Variants in ARL2 observed in about 807,000 individuals in gnomAD.
The protein encoded by ARL2 is ARF like GTPase 2.
ARL2 carries 11 observed loss-of-function variants against 22.0 expected under a neutral mutation model. The observed-to-expected ratio is 0.50, with a 90% CI of 0.31 to 0.83. The LOEUF is 0.83. Ranked by LOEUF, ARL2 falls within the 40% of genes least tolerant of loss-of-function variation. ARL2 has a pLI of 0.04. For synonymous variants in ARL2, 111 were observed against 100.8 expected (o/e 1.10, Z -0.61); for missense variants, 216 against 243.2 (o/e 0.89, Z 0.74).
Position 65,018,556 on chromosome 11 carries a change from C to A in ARL2, c.177-15C>A. 1 of 1,604,342 alleles carries A rather than the reference C, an allele frequency of 6.2e-7. No homozygotes were observed. Among genetic ancestry groups the A allele is most frequent in the East Asian group, 2.2e-5 (1 of 44,514 alleles). ...GGGGCCCAGCTGACCCTCCTGTCAC[C>A]CGCTCCTTGCCCAGATTCAAGCTGA... On this transcript the variant is annotated splice_polypyrimidine_tract_variant and intron_variant, in intron 2 of 4. Coordinates refer to ENST00000246747, the MANE Select transcript of ARL2 (RefSeq NM_001667.4). The surrounding 1 kb of genome is among the most constrained non-coding windows in gnomAD (Gnocchi z 4.2).
chr11:65,016,132 G>A (rs557795223), intron 1 of ARL2, among the ~76,000 whole-genome samples: 2 of 152,028 alleles, frequency 1.3e-5, no homozygotes, highest in Admixed American at 6.6e-5. Context: ...GCCAGAACCC[G>A]GGAGGCGGAG....
intron 3 of ARL2, chr11:65,019,151 C>A: frequency 2.8e-6 from 1 of 352,784 alleles, no homozygotes; most frequent in Non-Finnish European, 5.5e-6. Context: ...ACAGGAGGAT[C>A]AGTTGAGCCC....
chr11:65,014,783 A>ATG (rs1345049345), intron 1 of ARL2, among the ~76,000 whole-genome samples: 1 of 151,910 alleles, frequency 6.6e-6, no homozygotes, highest in Non-Finnish European at 1.5e-5. Context: ...GCGGCTGAGG[A>ATG]TGTGTGTGTG....
At chr11:65,017,303 C>T (rs1198135261) in intron 1 of ARL2, among the ~76,000 whole-genome samples, 1 of 151,292 alleles carries the variant, frequency 6.6e-6, no homozygotes, top group Non-Finnish European at 1.5e-5. Flanking sequence ...TCAAGCAATT[C>T]TCCTGTCTCA....
At chr11:65,019,101 G>T (rs1946296466) in intron 3 of ARL2, 7 of 462,832 alleles carry the variant, frequency 1.5e-5, no homozygotes, top group Non-Finnish European at 2.6e-5. Context: ...GCTGGGGGTG[G>T]TGGCACGCAC....
chr11:65,015,986 G>A (rs967857354), intron 1 of ARL2, among the ~76,000 whole-genome samples: 3 of 151,986 alleles, frequency 2.0e-5, no homozygotes, highest in Admixed American at 6.6e-5. Flanking sequence ...CGGATGGATC[G>A]CCTGATGTCA....
chr11:65,020,303 G>A, intron 3 of ARL2, 116 bp from the exon 4 acceptor site: 1 of 861,232 alleles, frequency 1.2e-6, no homozygotes, highest in Admixed American at 2.1e-5. Context: ...CACCACCACG[G>A]GGCCTCACCT....
rs200574613 is a variant in ARL2 at position 65,021,808 on chromosome 11, G to C, written c.508G>C (p.Asp170His). 1.2e-6 allele frequency: 2 copies of C among 1,613,500 alleles called. No homozygotes were observed. The highest frequency in any genetic ancestry group is 3.3e-5 in the Admixed American group (2 of 60,014). ...CGGGGAGAACCTGCTGCCGGGCATC[G>C]ACTGGCTCCTGGATGACATTTCCAG... Reference protein sequence around the residue: ...VTGENLLPGIDWLLDDISSRI... With the variant: ...VTGENLLPGIHWLLDDISSRI... Residue 170 changes from aspartate (D) to histidine (H), a missense_variant, in exon 5 of 5, where the codon GAC becomes CAC. Physicochemically the swap from Asp to His is moderately conservative, Grantham distance 81. Coordinates refer to ENST00000246747, the MANE Select transcript of ARL2 (RefSeq NM_001667.4).
chr11:65,017,012 GGACT>G (rs891736703), intron 1 of ARL2, among the ~76,000 whole-genome samples: 3 of 152,086 alleles, frequency 2.0e-5, no homozygotes, highest in African/African-American at 7.2e-5. Context: ...AGGTCTTTGG[GGACT>G]GACCTTGGTA....
chr11:65,016,681 G>A (rs1162444913), intron 1 of ARL2, among the ~76,000 whole-genome samples: 2 of 152,116 alleles, frequency 1.3e-5, no homozygotes, highest in African/African-American at 4.8e-5. Context: ...ATGCCTCCGA[G>A]ACAGCCCAGA....
Position 65,018,519 on chromosome 11 carries a change from G to A in ARL2, c.176+45G>A. The A allele has an allele frequency of 6.2e-7, 1 of 1,601,910 alleles. No homozygotes were observed. Among genetic ancestry groups the A allele is most frequent in the African/African-American group, 1.3e-5 (1 of 74,896 alleles). ...GAGGGCCAGCCCAGAGCAGGGCAGGGAAGGTGGGAGAGGGGCCCAGCTGAC... is the reference window on the plus strand; with the variant it reads ...GAGGGCCAGCCCAGAGCAGGGCAGGAAAGGTGGGAGAGGGGCCCAGCTGAC... On this transcript the variant is annotated intron_variant, in intron 2 of 4. Coordinates refer to ENST00000246747, the MANE Select transcript of ARL2 (RefSeq NM_001667.4). The surrounding 1 kb of genome is among the most constrained non-coding windows in gnomAD (Gnocchi z 4.2).
Position 65,018,670 on chromosome 11 carries a change from C to T in ARL2, c.276C>T (p.Asp92=). The T allele has an allele frequency of 1.2e-6, 2 of 1,614,230 alleles. No individual in the cohort carries two copies. The highest frequency in any genetic ancestry group is 1.7e-6 in the Non-Finnish European group (2 of 1,180,046). Residue 92 remains aspartate, a synonymous_variant, in exon 3 of 5, where the codon GAC becomes GAT. Coordinates refer to ENST00000246747, the MANE Select transcript of ARL2 (RefSeq NM_001667.4). The surrounding 1 kb of genome is among the most constrained non-coding windows in gnomAD (Gnocchi z 4.2). ...ESTDGLIWVV[D]SADRQRMQDC... is the part of the protein sequence containing the mutation. ...CCGATGGCCTCATCTGGGTAGTGGA[C>T]AGCGCAGACCGCCAGCGCATGCAGG...
At chr11:65,015,960 C>A (rs1300871335) in intron 1 of ARL2, among the ~76,000 whole-genome samples, 1 of 152,068 alleles carries the variant, frequency 6.6e-6, no homozygotes, top group Non-Finnish European at 1.5e-5. Context: ...AATCCCAGCA[C>A]TTTGAAAGGC....
rs924304189 is a variant in ARL2 at position 65,020,427 on chromosome 11, C to T, written c.348C>T (p.Ala116=). ...TATCTTTTCTCCCCCAGCGCCTGGC[C>T]GGAGCAACCCTCCTCATCTTTGCTA... ...LQSLLVEERL[A]GATLLIFANK... Residue 116 remains alanine (A), a synonymous_variant, in exon 4 of 5, where the codon GCC becomes GCT. Coordinates refer to ENST00000246747, the MANE Select transcript of ARL2 (RefSeq NM_001667.4). The T allele has an allele frequency of 1.4e-5, 23 of 1,612,726 alleles. No individual in the cohort carries two copies. In the Middle Eastern group the frequency reaches 9.9e-4, roughly 69 times the overall value.
chr11:65,015,199 C>T (rs1215045396), intron 1 of ARL2, among the ~76,000 whole-genome samples: 2 of 152,220 alleles, frequency 1.3e-5, no homozygotes, highest in East Asian at 3.8e-4. Flanking sequence ...CTGCAACCTC[C>T]GCCCCCCGAG....
chr11:65,015,144 G>C (rs1390580189), intron 1 of ARL2, among the ~76,000 whole-genome samples: 1 of 150,724 alleles, frequency 6.6e-6, no homozygotes, highest in Non-Finnish European at 1.5e-5. Flanking sequence ...ACGGAGTTTC[G>C]CTCTTGTTGC....
intron 1 of ARL2, among the ~76,000 whole-genome samples, chr11:65,015,589 C>G (rs1326206058): frequency 2.0e-5 from 3 of 151,896 alleles, no homozygotes; most frequent in African/African-American, 4.8e-5. Context: ...GGGGGGTTGC[C>G]CGCGGGTAGA....
intron 1 of ARL2, among the ~76,000 whole-genome samples, chr11:65,014,598 C>T (rs1265002493): frequency 4.6e-5 from 7 of 152,228 alleles, no homozygotes; most frequent in Admixed American, 1.3e-4. Context: ...CCGCTGCCCT[C>T]CCGGCTCTGA....
rs1277276308 is a variant in ARL2, at chr11:65,018,338, C to T, written c.66-26C>T. On this transcript the variant is annotated intron_variant, in intron 1 of 4. Coordinates refer to ENST00000246747, the MANE Select transcript of ARL2 (RefSeq NM_001667.4). This position sits in a 1 kb window ranked among gnomAD's most constrained non-coding sequence, Gnocchi z 4.2. ...GTCACCACCTGGCAGAGAACAGGGA[C>T]TTCTCCTTAACCTGCTGCGCCCCAG... is the stretch of plus-strand genomic sequence containing the variant. The T allele has an allele frequency of 3.2e-6, 5 of 1,567,258 alleles. No individual in the cohort carries two copies. Among genetic ancestry groups the T allele is most frequent in the Non-Finnish European group, 3.5e-6 (4 of 1,153,796 alleles).
Sources: allele counts gnomAD v4.1 joint callset (sites outside exome capture counted in the v4.1 genomes callset), GRCh38; gene constraint gnomAD v4.1.1; non-coding constraint Gnocchi (gnomAD v3.1); transcripts MANE v1.5; gene names NCBI Gene and HGNC (gene_info 2026-07-23, HGNC 2026-07-21).